The following XDH variants were observed in gnomAD, a reference collection of about 807,000 sequenced individuals.
XDH encodes the protein xanthine dehydrogenase/oxidase.
A neutral mutation model predicts 156.1 loss-of-function variants in XDH; 138 were observed. That is an observed-to-expected ratio of 0.88 (90% CI 0.77 to 1.02). The LOEUF (loss-of-function observed/expected upper bound fraction) is 1.02, where lower values mean the gene tolerates loss of function less well. XDH is among the 50% of genes least tolerant of loss of function. The probability of loss-of-function intolerance (pLI) is 0.00; values close to 1 mark genes in which losing one functional copy is unlikely to be tolerated. For synonymous variants in XDH, 669 were observed against 625.7 expected (o/e 1.07, Z -1.03); for missense variants, 1,849 against 1,684.9 (o/e 1.10, Z -1.71).
chr2:31,386,300 A>C, intron 9 of XDH, 114 bp downstream of exon 9: 1 of 1,417,434 alleles, frequency 7.1e-7, no homozygotes, highest in Non-Finnish European at 9.7e-7. Flanking sequence ...TCAGTGGGGC[A>C]GAGGGATAGG....
intron 9 of XDH, 58 bp downstream of exon 9, chr2:31,386,356 G>A: frequency 6.2e-7 from 1 of 1,601,480 alleles, no homozygotes; most frequent in South Asian, 1.1e-5. Flanking sequence ...TGGGCAAGAG[G>A]ACCTAGAAAC....
chr2:31,368,490 T>A (rs779854244), intron 19 of XDH, 51 bp downstream of exon 19: 2 of 1,610,560 alleles, frequency 1.2e-6, no homozygotes, highest in East Asian at 4.5e-5. Context: ...TACATGCACA[T>A]CCAGGGACGG....
rs1310056186 is a variant in XDH, at chr2:31,379,936, A to G, written c.1173T>C (p.Pro391=). Reference sequence around the variant, plus strand: ...GGCTCAGCAGGGTCTTTCTGTAGCCAGGGAAGAAGGTGTGGTCCATCTGGA... The same window carrying G: ...GGCTCAGCAGGGTCTTTCTGTAGCCGGGGAAGAAGGTGTGGTCCATCTGGA... ...RTVQMDHTFF[P]GYRKTLLSPE... is the part of the protein sequence containing the mutation. Residue 391 remains proline (P), a synonymous_variant, in exon 13 of 36, where the codon CCT becomes CCC. Transcript: ENST00000379416. The G allele has an allele frequency of 7.4e-6, 12 of 1,614,110 alleles. No individual in the cohort carries two copies. Among genetic ancestry groups the G allele is most frequent in the Non-Finnish European group, 1.0e-5 (12 of 1,180,032 alleles).
At chr2:31,392,501 T>C (rs952415989) in intron 6 of XDH, among the ~76,000 whole-genome samples, 1 of 152,180 alleles carries the variant, frequency 6.6e-6, no homozygotes, top group Non-Finnish European at 1.5e-5. Context: ...CTTGGCTCAC[T>C]GCAACCTCCA....
chr2:31,335,900 C>T lies in XDH; in HGVS notation c.*58G>A. 1 of 1,571,852 alleles carries T rather than the reference C, an allele frequency of 6.4e-7. No homozygotes were observed. The highest frequency in any genetic ancestry group is 8.8e-7 in the Non-Finnish European group (1 of 1,141,498). ...TAGATCCATGTTCTGTGGTATGTTC[C>T]TCCTGCTCCATGGAAGCCCAAAGGC... On this transcript the variant is annotated 3_prime_UTR_variant, in exon 36 of 36. Coordinates refer to ENST00000379416, the MANE Select transcript of XDH (RefSeq NM_000379.4).
chr2:31,374,475 CAGAG>C (rs886093735), intron 15 of XDH, among the ~76,000 whole-genome samples: 15 of 150,804 alleles, frequency 9.9e-5, no homozygotes, highest in Admixed American at 7.9e-4. Context: ...CAGATAGAAA[CAGAG>C]AGAGAGAGAG....
In XDH at chr2:31,377,251, G is replaced by A; in HGVS notation, c.1243-14C>T. The A allele has an allele frequency of 6.2e-7, 1 of 1,613,844 alleles. No homozygotes were observed. Among genetic ancestry groups the A allele is most frequent in the Non-Finnish European group, 8.5e-7 (1 of 1,180,026 alleles). On this transcript the variant is annotated splice_polypyrimidine_tract_variant and intron_variant, in intron 13 of 35. Transcript: ENST00000379416. ...GAAATACTCCCCCTAAAAGAGATCA[G>A]GAAGGTGCCTGTTTTCCACCTTGCT...
intron 35 of XDH, among the ~76,000 whole-genome samples, chr2:31,337,167 C>G (rs1403284467): frequency 6.6e-6 from 1 of 152,070 alleles, no homozygotes; most frequent in Non-Finnish European, 1.5e-5. Context: ...ATCTATGTGT[C>G]CCCAGTATCA....
chr2:31,414,049 A>C (rs206811), intron 1 of XDH, among the ~76,000 whole-genome samples: 1 of 151,690 alleles, frequency 6.6e-6, no homozygotes, highest in Non-Finnish European at 1.5e-5. Flanking sequence ...GGGGGAATGC[A>C]GGAGATGCCC....
At position 31,334,940 on chromosome 2, in the gene XDH, G is replaced by C. The variant is rs980882233; in HGVS notation, c.*1018C>G. 1 of 152,100 alleles carries C rather than the reference G, an allele frequency of 6.6e-6. No homozygotes were observed. The highest frequency in any genetic ancestry group is 2.4e-5 in the African/African-American group (1 of 41,406). 9.4% of individuals were successfully genotyped at this position (152,100 alleles called of 1,614,324 possible). Reference sequence around the variant, plus strand: ...GCAGGAGTGCAGTGGCGCAATCATAGCTCACTGCAGCCTCAACCTCCTGAG... The same window carrying C: ...GCAGGAGTGCAGTGGCGCAATCATACCTCACTGCAGCCTCAACCTCCTGAG... On this transcript the variant is annotated 3_prime_UTR_variant, in exon 36 of 36. Transcript: ENST00000379416.
Position 31,347,574 on chromosome 2 carries a change from G to A in XDH, c.3224C>T (p.Thr1075Ile), listed in dbSNP as rs2148754522. The A allele has an allele frequency of 1.9e-6, 3 of 1,614,178 alleles. No individual in the cohort carries two copies. Among genetic ancestry groups the A allele is most frequent in the Non-Finnish European group, 1.7e-6 (2 of 1,180,024 alleles). ...GCTGACAGAGGCAGCCGTGGGAGAG[G>A]TGTTGGGCACAGTGTTAGTGCTTGT... ...SETSTNTVPN[T>I]SPTAASVSAD... Residue 1075 changes from threonine to isoleucine, a missense_variant, in exon 29 of 36, where the codon ACC (threonine) becomes ATC (isoleucine). Transcript: ENST00000379416.
In XDH at chr2:31,414,711, G is replaced by A. The variant is rs1488985263; in HGVS notation, c.-45C>T. On this transcript the variant is annotated 5_prime_UTR_variant, in exon 1 of 36. Coordinates refer to ENST00000379416, the MANE Select transcript of XDH (RefSeq NM_000379.4). The stretch of plus-strand genomic sequence containing the variant: ...CGAACTCCAGGTACCTCACTCCTAA[G>A]AGACACTGGCAGGTAGTTATCACTG... 6.2e-7 allele frequency: 1 copy of A among 1,612,214 alleles called. No individual in the cohort carries two copies. Among genetic ancestry groups the A allele is most frequent in the Non-Finnish European group, 8.5e-7 (1 of 1,178,276 alleles).
In XDH at chr2:31,361,592, A is replaced by G. The variant is rs537532529; in HGVS notation, c.2631+2566T>C. Among the ~76,000 whole-genome samples, 54 of 152,316 alleles carry G rather than the reference A, an allele frequency of 3.5e-4. 1 individual carries two copies. The highest frequency in any genetic ancestry group is 2.7e-3 in the Admixed American group (41 of 15,294). ...TAAAACCTCTCTATCCCAAGCACCA[A>G]TAATGGAGGCTAAGCAATTATACCT... On this transcript the variant is annotated intron_variant, in intron 24 of 35. Coordinates refer to ENST00000379416, the MANE Select transcript of XDH (RefSeq NM_000379.4).
At position 31,341,388 on chromosome 2, in the gene XDH, G is replaced by T. The variant is rs45624433; in HGVS notation, c.3526C>A (p.Arg1176Ser). 6.3e-7 allele frequency: 1 copy of T among 1,576,604 alleles called. No homozygotes were observed. Among genetic ancestry groups the T allele is most frequent in the Admixed American group, 1.8e-5 (1 of 55,490 alleles). Residue 1176 changes from arginine to serine, a missense_variant, in exon 33 of 36, where the codon CGC (arginine) becomes AGC (serine). By Grantham distance (110) the Arg-to-Ser change is moderately radical (BLOSUM62 -1). Coordinates refer to ENST00000379416, the MANE Select transcript of XDH (RefSeq NM_000379.4). ...DCLTGDHKNL[R>S]TDIVMDVGSS... ...CCAACATCCATGACAATATCTGTGC[G>T]GAGGTTCTAGAGTAGACAGCAAAAT...
chr2:31,388,089 C>T, intron 7 of XDH, 138 bp downstream of exon 7: 2 of 1,102,304 alleles, frequency 1.8e-6, no homozygotes, highest in Non-Finnish European at 2.7e-6. Context: ...GCACCATCAC[C>T]ATCCCCACAG....
At chr2:31,343,734 A>G (rs1349510493) in intron 31 of XDH, among the ~76,000 whole-genome samples, 1 of 149,410 alleles carries the variant, frequency 6.7e-6, no homozygotes, top group Non-Finnish European at 1.5e-5. Flanking sequence ...TATTAGCCAT[A>G]TATATGTTCA....
At chr2:31,372,099 C>G (rs1489453521) in intron 17 of XDH, 129 bp downstream of exon 17, 20 of 1,387,094 alleles carry the variant, frequency 1.4e-5, no homozygotes, top group Non-Finnish European at 3.1e-6. Flanking sequence ...TCTCTCTAGC[C>G]TGGGAGGTCC....
chr2:31,413,422 C>T, intron 1 of XDH, among the ~76,000 whole-genome samples: 1 of 152,134 alleles, frequency 6.6e-6, no homozygotes, highest in Non-Finnish European at 1.5e-5. Context: ...AAACTCTGAA[C>T]CCAGAAGAAC....
intron 5 of XDH, among the ~76,000 whole-genome samples, chr2:31,398,205 T>C (rs1318511803): frequency 6.6e-6 from 1 of 152,148 alleles, no homozygotes; most frequent in Non-Finnish European, 1.5e-5. Context: ...CCCTGCAGAA[T>C]CCTGTTCTGG....
Sources: gnomAD v4.1 joint callset for allele counts (sites outside exome capture counted in the v4.1 genomes callset) on GRCh38, gnomAD v4.1.1 for gene constraint, MANE v1.5 for transcripts, NCBI Gene and HGNC (gene_info 2026-07-23, HGNC 2026-07-21) for gene names.